The following RELN variants were observed in gnomAD, a reference collection of about 807,000 sequenced individuals.
RELN encodes reelin.
RELN carries 108 observed loss-of-function variants against 427.6 expected under a neutral mutation model. The observed-to-expected ratio is 0.25, with a 90% CI of 0.22 to 0.30. The LOEUF (loss-of-function observed/expected upper bound fraction) is 0.30, where lower values mean the gene tolerates loss of function less well. Ranked by LOEUF, RELN falls within the 10% of genes least tolerant of loss-of-function variation. The pLI, the probability that RELN is intolerant of heterozygous loss-of-function variation, is 1.00. For synonymous variants in RELN, 1,524 were observed against 1,513.4 expected (o/e 1.01, Z -0.16); for missense variants, 3,715 against 4,302.8 (o/e 0.86, Z 3.82).
rs754557647 is a variant in RELN, at chr7:103,556,980, T to C, written c.5794A>G (p.Asn1932Asp). 1.9e-6 allele frequency: 3 copies of C among 1,610,190 alleles called. No individual in the cohort carries two copies. The highest frequency in any genetic ancestry group is 2.2e-5 in the South Asian group (2 of 90,998). Residue 1932 changes from asparagine to aspartate, a missense_variant, in exon 38 of 65, where the codon AAC becomes GAC. Coordinates refer to ENST00000428762, the MANE Select transcript of RELN (RefSeq NM_005045.4). ...AGGAGAACACATGCATTTTTACCGT[T>C]ATTATAAGGTTGCCAGAGTCTGAAT... ...TRFRLWQPYNNGKKEEIWIVD... is the reference protein window; with the variant it reads ...TRFRLWQPYNDGKKEEIWIVD...
chr7:103,891,336 T>A (rs11761756), intron 2 of RELN, among the ~76,000 whole-genome samples: 118,791 of 151,940 alleles, frequency 0.78, 46,472 homozygotes, highest in East Asian at 0.87. Flanking sequence ...CATATCATAC[T>A]AATGTTCTGG....
At chr7:103,945,334 C>T (rs1041069836) in intron 1 of RELN, among the ~76,000 whole-genome samples, 4 of 152,192 alleles carry the variant, frequency 2.6e-5, no homozygotes, top group African/African-American at 9.7e-5. Flanking sequence ...TCCATTATTA[C>T]AGAGATTACA....
At chr7:103,751,040 G>A (rs1174249908) in intron 5 of RELN, among the ~76,000 whole-genome samples, 4 of 152,132 alleles carry the variant, frequency 2.6e-5, no homozygotes, top group Non-Finnish European at 4.4e-5. Flanking sequence ...AAGGTTGTGT[G>A]AGAAATGATA....
intron 6 of RELN, among the ~76,000 whole-genome samples, chr7:103,737,150 G>C (rs1790514925): frequency 6.6e-6 from 1 of 152,130 alleles, no homozygotes; most frequent in Non-Finnish European, 1.5e-5. Flanking sequence ...AGATATACGA[G>C]AGGTTCTGGC....
At chr7:103,491,683 G>C (rs1268636990) in intron 58 of RELN, among the ~76,000 whole-genome samples, 1 of 151,972 alleles carries the variant, frequency 6.6e-6, no homozygotes, top group East Asian at 1.9e-4. Context: ...TACAAAATAA[G>C]CTGGGCGTGG....
Position 103,635,568 on chromosome 7 carries a change from C to A in RELN, c.2322G>T (p.Leu774=), listed in dbSNP as rs1167255029. The A allele has an allele frequency of 6.8e-6, 11 of 1,613,686 alleles. No individual in the cohort carries two copies. Among genetic ancestry groups the A allele is most frequent in the Non-Finnish European group, 9.3e-6 (11 of 1,179,716 alleles). The change falls in exon 19 of 65, where the codon CTG becomes CTT. Residue 774 remains leucine (L), a synonymous_variant. Coordinates refer to ENST00000428762, the MANE Select transcript of RELN (RefSeq NM_005045.4). ...TCAGAACAGATTTGCTCCCCAGTCT[C>A]AGTGTGAACTGGAGAAACCTAGACA... The part of the protein sequence containing the change: ...SSQSRFLQFT[L]RLGSKSVLST...
chr7:103,832,447 A>G (rs1388629671), intron 3 of RELN, among the ~76,000 whole-genome samples: 1 of 152,194 alleles, frequency 6.6e-6, no homozygotes, highest in African/African-American at 2.4e-5. Flanking sequence ...AAACTGAAAA[A>G]CAATTCTTGC....
intron 1 of RELN, among the ~76,000 whole-genome samples, chr7:103,970,170 T>G (rs1387476716): frequency 1.3e-5 from 2 of 150,644 alleles, no homozygotes; most frequent in African/African-American, 4.9e-5. Flanking sequence ...AGAGATGGAG[T>G]CTGGCTCAGT....
At position 103,967,110 on chromosome 7, in the gene RELN, CACTG is replaced by C. The variant is rs543409230; in HGVS notation, c.226+22017_226+22020del. On this transcript the variant is annotated intron_variant, in intron 1 of 64. Coordinates refer to ENST00000428762, the MANE Select transcript of RELN (RefSeq NM_005045.4). The stretch of plus-strand genomic sequence containing the variant: ...ACTAACAGGATAGGCCCTTTACAGG[CACTG>C]ACTAAGATATGGGTGTGGTTATGCT... Among the ~76,000 whole-genome samples, 515 of 152,302 alleles carry C rather than the reference CACTG, an allele frequency of 3.4e-3. 4 individuals carry two copies. The highest frequency in any genetic ancestry group is 0.012 in the African/African-American group (488 of 41,570).
chr7:103,836,289 T>C (rs1001289741), intron 2 of RELN, among the ~76,000 whole-genome samples: 2 of 152,198 alleles, frequency 1.3e-5, no homozygotes, highest in Non-Finnish European at 2.9e-5. Flanking sequence ...CTGCACTGTC[T>C]AATATGGTAG....
At chr7:103,878,714 C>G (rs530754133) in intron 2 of RELN, among the ~76,000 whole-genome samples, 1 of 152,180 alleles carries the variant, frequency 6.6e-6, no homozygotes, top group Non-Finnish European at 1.5e-5. Flanking sequence ...GATATCAAAA[C>G]ACTAGAATTC....
At chr7:103,778,862 G>A (rs262343) in intron 3 of RELN, among the ~76,000 whole-genome samples, 72 of 152,272 alleles carry the variant, frequency 4.7e-4, no homozygotes, top group Middle Eastern at 3.4e-3. Context: ...GAATAATAGA[G>A]AGGAGCCCTA....
At chr7:103,840,428 G>A (rs953841534) in intron 2 of RELN, among the ~76,000 whole-genome samples, 2 of 152,212 alleles carry the variant, frequency 1.3e-5, no homozygotes, top group Admixed American at 1.3e-4. Context: ...TATGACCTCT[G>A]TCAGGACACC....
chr7:103,685,608 A>G (rs1163346890), intron 10 of RELN, among the ~76,000 whole-genome samples: 1 of 152,096 alleles, frequency 6.6e-6, no homozygotes, highest in Non-Finnish European at 1.5e-5. Context: ...CCTAATGTAC[A>G]TTATTATATA....
chr7:103,915,847 G>A (rs1366173943), intron 2 of RELN, among the ~76,000 whole-genome samples: 1 of 152,174 alleles, frequency 6.6e-6, no homozygotes, highest in Non-Finnish European at 1.5e-5. Context: ...CAGGTGGTAT[G>A]TAATATACTT....
intron 1 of RELN, among the ~76,000 whole-genome samples, chr7:103,974,193 G>C (rs1796823836): frequency 6.6e-6 from 1 of 152,090 alleles, no homozygotes; most frequent in Non-Finnish European, 1.5e-5. Flanking sequence ...TTCTGTGACA[G>C]GCATAATGTT....
chr7:103,692,908 G>A (rs984487110), intron 10 of RELN, among the ~76,000 whole-genome samples: 41 of 152,080 alleles, frequency 2.7e-4, no homozygotes, highest in Non-Finnish European at 1.0e-4. Context: ...TTTGAACTGA[G>A]CCCCTAAAGA....
intron 49 of RELN, among the ~76,000 whole-genome samples, 165 bp downstream of exon 49, chr7:103,519,158 C>T (rs1829641706): frequency 6.6e-6 from 1 of 152,044 alleles, no homozygotes; most frequent in African/African-American, 2.4e-5. Context: ...AAATAAAAAC[C>T]CAAACCAGCT....
At chr7:103,900,447 C>T (rs1160277297) in intron 2 of RELN, among the ~76,000 whole-genome samples, 3 of 152,098 alleles carry the variant, frequency 2.0e-5, no homozygotes, top group African/African-American at 7.2e-5. Flanking sequence ...AAATAAACTA[C>T]TTTAAAGTTC....
Sources: allele counts gnomAD v4.1 joint callset (sites outside exome capture counted in the v4.1 genomes callset), GRCh38; gene constraint gnomAD v4.1.1; transcripts MANE v1.5; gene names NCBI Gene and HGNC (gene_info 2026-07-23, HGNC 2026-07-21).